SYNE3: variants seen among roughly 807,000 people sequenced by gnomAD.
SYNE3 encodes spectrin repeat containing nuclear envelope family member 3, also known as nesprin-3.
A neutral mutation model predicts 111.2 loss-of-function variants in SYNE3; 100 were observed. The ratio of observed to expected loss-of-function variants is 0.90; its 90% CI spans 0.77 to 1.06. The LOEUF (loss-of-function observed/expected upper bound fraction) is 1.06, where lower values mean the gene tolerates loss of function less well. SYNE3 is among the 50% of genes least tolerant of loss of function. The pLI is 0.00. For synonymous variants in SYNE3, 547 were observed against 533.9 expected, an observed-to-expected ratio of 1.02 and a Z score of -0.34; for missense variants, 1,160 against 1,240.3, an observed-to-expected ratio of 0.94 and a Z score of 0.97.
chr14:95,488,750 G>C (rs1322268803), intron 1 of SYNE3, among the ~76,000 whole-genome samples: 1 of 149,472 alleles, frequency 6.7e-6, no homozygotes, highest in Non-Finnish European at 1.5e-5. Context: ...GGAGAGGAGA[G>C]GAGGGACTGC....
At chr14:95,446,136 C>G in intron 8 of SYNE3, 45 bp from the exon 9 acceptor site, 1 of 1,606,330 alleles carries the variant, frequency 6.2e-7, no homozygotes, top group Non-Finnish European at 8.5e-7. Context: ...GGGCAGGACA[C>G]AGCTCAGAAA....
chr14:95,430,633 G>A (rs1885703737), intron 17 of SYNE3, among the ~76,000 whole-genome samples: 1 of 152,132 alleles, frequency 6.6e-6, no homozygotes, highest in African/African-American at 2.4e-5. Context: ...AGACTAGCCT[G>A]GCCAACATGG....
chr14:95,511,249 G>A (rs879830378), intron 1 of SYNE3, among the ~76,000 whole-genome samples: 5 of 152,198 alleles, frequency 3.3e-5, no homozygotes, highest in Non-Finnish European at 7.3e-5. Flanking sequence ...CAAAAAATAG[G>A]ATGAGTGAGA....
In SYNE3 at chr14:95,439,743, G is replaced by A; in HGVS notation, c.2115C>T (p.Ser705=). Residue 705 remains serine (S), a synonymous_variant, in exon 13 of 18, where the codon TCC becomes TCT. Coordinates refer to ENST00000682763, the MANE Select transcript of SYNE3 (RefSeq NM_152592.6). The part of the protein sequence containing the change: ...AEFPEKEAQL[S]LVEAQGWLVM... ...CCAGCCAGCCCTGCGCTTCCACCAG[G>A]GACAGCTGGGCCTCCTTCTCCGGGA... The A allele has an allele frequency of 6.2e-7, 1 of 1,613,918 alleles. No individual in the cohort carries two copies. Among genetic ancestry groups the A allele is most frequent in the Non-Finnish European group, 8.5e-7 (1 of 1,179,896 alleles).
chr14:95,434,324 T>G (rs921483341), intron 15 of SYNE3, among the ~76,000 whole-genome samples: 1 of 152,164 alleles, frequency 6.6e-6, no homozygotes, highest in Non-Finnish European at 1.5e-5. Context: ...CCACAGAACA[T>G]TTGCCAATTT....
chr14:95,467,204 C>T (rs917525475), intron 3 of SYNE3, among the ~76,000 whole-genome samples: 1 of 152,206 alleles, frequency 6.6e-6, no homozygotes, highest in Non-Finnish European at 1.5e-5. Flanking sequence ...ATCCTGGCAG[C>T]TCTTGTTTAC....
intron 1 of SYNE3, among the ~76,000 whole-genome samples, chr14:95,491,773 TAA>T (rs34866057): frequency 0.019 from 2,621 of 136,820 alleles, 65 homozygotes; most frequent in African/African-American, 0.058. Flanking sequence ...GCAAAAATGT[TAA>T]AAAAAAAAAA....
intron 17 of SYNE3, among the ~76,000 whole-genome samples, chr14:95,420,803 TC>T (rs1885072689): frequency 6.6e-6 from 1 of 151,022 alleles, no homozygotes; most frequent in Admixed American, 6.6e-5. Context: ...TCTTGGCTCT[TC>T]CAAAGAGAGA....
At chr14:95,471,754 G>C (rs1888543463) in intron 2 of SYNE3, among the ~76,000 whole-genome samples, 1 of 152,258 alleles carries the variant, frequency 6.6e-6, no homozygotes, top group African/African-American at 2.4e-5. Flanking sequence ...GGTCTGCGTG[G>C]CCAGCTGGGA....
Position 95,470,982 on chromosome 14 carries a change from G to GA in SYNE3, c.145-3016dup, listed in dbSNP as rs145721216. Among the ~76,000 whole-genome samples, 652 of 128,188 alleles carry GA rather than the reference G, an allele frequency of 5.1e-3. 11 individuals are homozygous for GA. The East Asian group carries it at 0.058, about 11-fold the overall frequency. The allele number at this position is 128,188 out of a possible 152,430, so 84.1% of individuals were successfully genotyped here. A position where few individuals can be genotyped will look rare whatever the true frequency, so the allele number is the denominator to read the frequency against. On this transcript the variant is annotated intron_variant, in intron 2 of 17. Transcript: ENST00000682763. The surrounding 1 kb of genome is among the most constrained non-coding windows in gnomAD (Gnocchi z 4.2). ...GCAACAGAGCAACACGCCGTCTCAG[G>GA]AAAAAAAAAAAAAGAAAGTAAGATG...
chr14:95,481,952 C>T (rs1463999327), intron 1 of SYNE3, among the ~76,000 whole-genome samples: 1 of 152,216 alleles, frequency 6.6e-6, no homozygotes, highest in Non-Finnish European at 1.5e-5. Flanking sequence ...GGCTGAGGGC[C>T]CTGTGTCCTG....
chr14:95,443,298 G>A lies in SYNE3; in HGVS notation c.1777-9C>T, dbSNP rs1183743814. The A allele has an allele frequency of 1.2e-6, 2 of 1,614,052 alleles. No individual in the cohort carries two copies. The highest frequency in any genetic ancestry group is 1.7e-6 in the Non-Finnish European group (2 of 1,180,002). The stretch of plus-strand genomic sequence containing the variant: ...CCCTCTTCCTGCAGCCCCTGCAGTA[G>A]AGAAGGGAACAGGTAGGCTAATCTT... On this transcript the variant is annotated splice_polypyrimidine_tract_variant and intron_variant, in intron 10 of 17. Coordinates refer to ENST00000682763, the MANE Select transcript of SYNE3 (RefSeq NM_152592.6).
chr14:95,488,766 T>G (rs72692787), intron 1 of SYNE3, among the ~76,000 whole-genome samples: 12,414 of 132,156 alleles, frequency 0.094, 608 homozygotes, highest in Non-Finnish European at 0.11. Context: ...ACTGCAAAAC[T>G]GTTTTCCAAA....
In SYNE3 at chr14:95,454,418, C is replaced by T. The variant is rs75105308; in HGVS notation, c.1137+959G>A. Among the ~76,000 whole-genome samples, 67 of 152,330 alleles carry T rather than the reference C, an allele frequency of 4.4e-4. 1 individual carries two copies. The East Asian group carries it at 0.011, about 24-fold the overall frequency. ...CATAACAGAGGTTAAAGTAATTTTC[C>T]GAAAGCCACTCAGTTAGCAAGGGGA... On this transcript the variant is annotated intron_variant, in intron 6 of 17. Transcript: ENST00000682763.
intron 16 of SYNE3, 102 bp from the exon 17 acceptor site, chr14:95,432,219 G>A: frequency 7.2e-7 from 1 of 1,387,560 alleles, no homozygotes; most frequent in South Asian, 1.3e-5. Flanking sequence ...CGTTTTGTCA[G>A]GGGAGTGTTT....
chr14:95,504,342 C>T (rs1890450392), intron 1 of SYNE3, among the ~76,000 whole-genome samples: 2 of 152,204 alleles, frequency 1.3e-5, no homozygotes, highest in Admixed American at 1.3e-4. Context: ...AATTACCTCA[C>T]CCTACCCTCT....
chr14:95,466,335 G>T (rs1595225490), intron 3 of SYNE3, 95 bp from the exon 4 acceptor site: 3 of 1,410,160 alleles, frequency 2.1e-6, no homozygotes, highest in Non-Finnish European at 2.8e-6. Context: ...ATACTAGGGG[G>T]CTGTGGTCTG....
intron 17 of SYNE3, among the ~76,000 whole-genome samples, chr14:95,426,943 C>CA (rs574423106): frequency 0.64 from 66,582 of 104,610 alleles, 19,924 homozygotes; most frequent in Non-Finnish European, 0.7. Flanking sequence ...GACTCCATCT[C>CA]AAAAAAAAAA....
rs1265190553 is a variant in SYNE3 at position 95,457,210 on chromosome 14, C to T, written c.756G>A (p.Lys252=). The change falls in exon 5 of 18, where the codon AAG becomes AAA. Residue 252 remains lysine, a synonymous_variant. Transcript: ENST00000682763. ...KVNGCLGRNC[K]LPITQRLSTL... is the part of the protein sequence containing the mutation. ...TGGAGAGGCGCTGCGTGATGGGCAG[C>T]TTGCAGTTCCGCCCCAGGCAGCCAT... is the stretch of plus-strand genomic sequence containing the variant. 1.9e-6 allele frequency: 3 copies of T among 1,614,054 alleles called. No individual in the cohort carries two copies. The highest frequency in any genetic ancestry group is 2.5e-6 in the Non-Finnish European group (3 of 1,179,998).
Sources: allele counts gnomAD v4.1 joint callset (sites outside exome capture counted in the v4.1 genomes callset), GRCh38; gene constraint gnomAD v4.1.1; non-coding constraint Gnocchi (gnomAD v3.1); transcripts MANE v1.5; gene names NCBI Gene and HGNC (gene_info 2026-07-23, HGNC 2026-07-21).